Variants in FNDC3B observed in about 807,000 individuals in gnomAD.
FNDC3B encodes the protein fibronectin type III domain containing 3B.
FNDC3B carries 12 observed loss-of-function variants against 151.5 expected under a neutral mutation model. The ratio of observed to expected loss-of-function variants is 0.08; its 90% CI spans 0.05 to 0.13. The LOEUF (loss-of-function observed/expected upper bound fraction) is 0.13, where lower values mean the gene tolerates loss of function less well. Among genes scored for constraint, FNDC3B ranks in the 10% least tolerant of loss-of-function variants. The pLI, the probability that FNDC3B is intolerant of heterozygous loss-of-function variation, is 1.00. For missense variants in FNDC3B, 1,214 were observed against 1,505.3 expected, an observed-to-expected ratio of 0.81 and a Z score of 3.20; for synonymous variants, 528 against 549.0, an observed-to-expected ratio of 0.96 and a Z score of 0.54.
chr3:172,331,146 G>A (rs1188895244), intron 13 of FNDC3B, among the ~76,000 whole-genome samples: 3 of 152,054 alleles, frequency 2.0e-5, no homozygotes, highest in Non-Finnish European at 4.4e-5. Flanking sequence ...TCCATACAGA[G>A]CCTGGGTGGA....
intron 11 of FNDC3B, among the ~76,000 whole-genome samples, chr3:172,315,015 A>G (rs900186874): frequency 6.6e-6 from 1 of 152,264 alleles, no homozygotes; most frequent in African/African-American, 2.4e-5. Flanking sequence ...AACTAACTAG[A>G]CAACATCTTA....
chr3:172,156,868 A>G (rs1213708141), intron 3 of FNDC3B, among the ~76,000 whole-genome samples: 2 of 152,274 alleles, frequency 1.3e-5, no homozygotes, highest in East Asian at 3.9e-4. Context: ...GGTGTGTTTC[A>G]TCAGATTACG....
At chr3:172,344,982 C>T (rs1733531930) in intron 19 of FNDC3B, among the ~76,000 whole-genome samples, 1 of 151,954 alleles carries the variant, frequency 6.6e-6, no homozygotes, top group Non-Finnish European at 1.5e-5. Flanking sequence ...CTAAATGCCC[C>T]GTCCAAAGTG....
intron 25 of FNDC3B, among the ~76,000 whole-genome samples, chr3:172,396,526 CA>C (rs1736287431): frequency 6.6e-6 from 1 of 152,168 alleles, no homozygotes; most frequent in South Asian, 2.1e-4. Context: ...TAGTCTAAAT[CA>C]GGGGTCCCCA....
chr3:172,041,851 TC>T (rs1235392065), intron 1 of FNDC3B, among the ~76,000 whole-genome samples: 2 of 152,098 alleles, frequency 1.3e-5, no homozygotes, highest in Non-Finnish European at 2.9e-5. Flanking sequence ...ATTTCCTGGC[TC>T]CCTGGGAGCA....
At chr3:172,378,492 A>G in intron 24 of FNDC3B, 56 bp downstream of exon 24, 1 of 1,431,274 alleles carries the variant, frequency 7.0e-7, no homozygotes, top group Non-Finnish European at 9.4e-7. Flanking sequence ...AACTGTTGGG[A>G]CTTATAGAAA....
rs540119336 is a variant in FNDC3B at position 172,310,245 on chromosome 3, G to A, written c.1201-583G>A. ...CAGATCTCAGCATGCTTTTTAAGAG[G>A]AAAGCAAATGATGAAACTTCCCTCT... is the stretch of plus-strand genomic sequence containing the variant. On this transcript the variant is annotated intron_variant, in intron 10 of 25. Coordinates refer to ENST00000415807, the MANE Select transcript of FNDC3B (RefSeq NM_022763.4). Among the ~76,000 whole-genome samples, 3 of 152,268 alleles carry A rather than the reference G, an allele frequency of 2.0e-5. No homozygotes were observed. The South Asian group carries it at 6.2e-4, about 32-fold the overall frequency.
intron 4 of FNDC3B, among the ~76,000 whole-genome samples, chr3:172,229,328 T>G (rs1726768087): frequency 6.6e-6 from 1 of 152,194 alleles, no homozygotes; most frequent in Admixed American, 6.5e-5. Context: ...TCCATAACAC[T>G]CAACCCTGCT....
At chr3:172,260,001 T>C (rs1458402054) in intron 6 of FNDC3B, among the ~76,000 whole-genome samples, 3 of 152,234 alleles carry the variant, frequency 2.0e-5, no homozygotes, top group African/African-American at 7.2e-5. Flanking sequence ...AGAATTTTGA[T>C]TAGTTTTTAC....
chr3:172,304,978 C>T (rs897099521), intron 9 of FNDC3B, among the ~76,000 whole-genome samples: 7 of 150,576 alleles, frequency 4.6e-5, no homozygotes, highest in Admixed American at 1.3e-4. Context: ...AAAATGAGAG[C>T]GCTCCAGATA....
chr3:172,065,841 TTTTC>T (rs1431015980), intron 1 of FNDC3B, among the ~76,000 whole-genome samples: 2 of 152,204 alleles, frequency 1.3e-5, no homozygotes, highest in African/African-American at 2.4e-5. Context: ...TCTGCAAAGT[TTTTC>T]TTTCTTTCTT....
At chr3:172,250,420 A>G (rs920837031) in intron 5 of FNDC3B, among the ~76,000 whole-genome samples, 1 of 152,186 alleles carries the variant, frequency 6.6e-6, no homozygotes, top group African/African-American at 2.4e-5. Flanking sequence ...TCATCTCATT[A>G]TCTTAGTTAA....
Position 172,041,383 on chromosome 3 carries a change from C to T in FNDC3B, c.-29+1612C>T, listed in dbSNP as rs199676181. Among the ~76,000 whole-genome samples the T allele has an allele frequency of 1.7e-4, 23 of 138,086 alleles. 1 individual carries two copies. Among genetic ancestry groups the T allele is most frequent in the African/African-American group, 5.7e-4 (22 of 38,764 alleles). 90.6% of individuals were successfully genotyped at this position (138,086 alleles called of 152,430 possible). On this transcript the variant is annotated intron_variant, in intron 1 of 25. Coordinates refer to ENST00000415807, the MANE Select transcript of FNDC3B (RefSeq NM_022763.4). ...GTTTTCTTTCTTTCTTTCTTTCTTT[C>T]TTTTTCTTTCTTTCTTTCTCCTTCT...
At position 172,207,130 on chromosome 3, in the gene FNDC3B, T is replaced by A. The variant is rs75141115; in HGVS notation, c.188-19741T>A. 9.8e-3 allele frequency among the ~76,000 whole-genome samples: 1,499 copies of A among 152,248 alleles called. 15 individuals carry two copies. Among genetic ancestry groups the A allele is most frequent in the Non-Finnish European group, 0.017 (1,137 of 68,004 alleles). ...CTTTCTGAATGACACCTAAGATCAT[T>A]ACCTTAATTTTTTTATCTGCTAGTC... On this transcript the variant is annotated intron_variant, in intron 3 of 25. Coordinates refer to ENST00000415807, the MANE Select transcript of FNDC3B (RefSeq NM_022763.4).
chr3:172,202,491 CCT>C (rs112368284), intron 3 of FNDC3B, among the ~76,000 whole-genome samples: 5 of 152,282 alleles, frequency 3.3e-5, no homozygotes, highest in African/African-American at 1.2e-4. Flanking sequence ...CCTCCCGTCC[CCT>C]GTTAGATACT....
chr3:172,375,211 T>G (rs924827814), intron 23 of FNDC3B, among the ~76,000 whole-genome samples: 9 of 152,208 alleles, frequency 5.9e-5, no homozygotes, highest in African/African-American at 2.2e-4. Flanking sequence ...TGGTCACACT[T>G]CAGAGTGAGA....
intron 1 of FNDC3B, among the ~76,000 whole-genome samples, chr3:172,041,410 TC>T (rs1716051020): frequency 7.6e-6 from 1 of 131,182 alleles, no homozygotes; most frequent in African/African-American, 3.1e-5. Flanking sequence ...TCTCCTTCTC[TC>T]TCCTTCCTTC....
intron 10 of FNDC3B, 59 bp downstream of exon 10, chr3:172,307,560 C>T: frequency 6.4e-7 from 1 of 1,563,584 alleles, no homozygotes; most frequent in South Asian, 1.1e-5. Context: ...GGTGTGGTGG[C>T]AACGTGTTCC....
chr3:172,181,395 C>CAAAAAAAAAAAAAAAAAAAAAAAAAAAA (rs755223783), intron 3 of FNDC3B, among the ~76,000 whole-genome samples: 2 of 71,530 alleles, frequency 2.8e-5, no homozygotes, highest in African/African-American at 1.2e-4. Context: ...ACTCTGTCTC[C>CAAAAAAAAAAAAAAAAAAAAAAAAAAAA]AAAAAAAAAA....
Sources: allele counts gnomAD v4.1 joint callset (sites outside exome capture counted in the v4.1 genomes callset), GRCh38; gene constraint gnomAD v4.1.1; transcripts MANE v1.5; gene names NCBI Gene and HGNC (gene_info 2026-07-23, HGNC 2026-07-21).